TMED6: variants seen among roughly 807,000 people sequenced by gnomAD.
The protein encoded by TMED6 is transmembrane p24 trafficking protein 6.
In TMED6, 17 loss-of-function variants were observed where a neutral mutation model predicts 26.5. That is an observed-to-expected ratio of 0.64 (90% CI 0.44 to 0.96). The LOEUF (loss-of-function observed/expected upper bound fraction) is 0.96, where lower values mean the gene tolerates loss of function less well. Ranked by LOEUF, TMED6 falls within the 40% of genes least tolerant of loss-of-function variation. TMED6 has a pLI of 0.00. For synonymous variants in TMED6, 107 were observed against 106.2 expected (o/e 1.01, Z -0.04); for missense variants, 309 against 296.5 (o/e 1.04, Z -0.31).
intron 1 of TMED6, among the ~76,000 whole-genome samples, chr16:69,350,708 G>A (rs2142685053): frequency 6.6e-6 from 1 of 152,232 alleles, no homozygotes; most frequent in African/African-American, 2.4e-5. Context: ...AGCACTCCAT[G>A]GACACTTGCT....
rs2012774021 is a variant in TMED6 at position 69,351,437 on chromosome 16, G to C, written c.213+104C>G. The stretch of plus-strand genomic sequence containing the variant: ...TTTCATTAACAGGTGGGGAATCACA[G>C]CATAATAAAGACAACCAGACCTTGT... On this transcript the variant is annotated intron_variant, in intron 1 of 3. Coordinates refer to ENST00000288025, the MANE Select transcript of TMED6 (RefSeq NM_144676.4). 3.8e-6 allele frequency: 4 copies of C among 1,051,768 alleles called. No individual in the cohort carries two copies. In the East Asian group the frequency reaches 7.3e-5, roughly 19 times the overall value. 65.2% of individuals were successfully genotyped at this position (1,051,768 alleles called of 1,614,324 possible).
chr16:69,343,790 T>C (rs1383938131), intron 3 of TMED6, 150 bp from the exon 4 acceptor site: 1 of 706,132 alleles, frequency 1.4e-6, no homozygotes, highest in Non-Finnish European at 2.3e-6. Flanking sequence ...AATGTTGTGT[T>C]TGCTATGTAT....
At chr16:69,349,803 G>C (rs1331085027) in intron 1 of TMED6, 152 bp from the exon 2 acceptor site, 2 of 839,220 alleles carry the variant, frequency 2.4e-6, no homozygotes, top group East Asian at 5.6e-5. Flanking sequence ...GAGTTGATTG[G>C]AGGATTCTGA....
At chr16:69,345,831 A>C (rs964341990) in intron 3 of TMED6, among the ~76,000 whole-genome samples, 3 of 151,122 alleles carry the variant, frequency 2.0e-5, no homozygotes, top group African/African-American at 7.3e-5. Flanking sequence ...ATGTGCCACC[A>C]CACCCGGGTC....
intron 1 of TMED6, among the ~76,000 whole-genome samples, chr16:69,351,092 T>C (rs1005311387): frequency 1.3e-5 from 2 of 151,882 alleles, no homozygotes; most frequent in Non-Finnish European, 2.9e-5. Flanking sequence ...ACCTAGTGAA[T>C]CTCTGACTTG....
chr16:69,348,058 G>C (rs2012714371), intron 2 of TMED6, 122 bp from the exon 3 acceptor site: 1 of 1,015,814 alleles, frequency 9.8e-7, no homozygotes, highest in Non-Finnish European at 1.4e-6. Flanking sequence ...TACTTAGAAA[G>C]TACAAAGATC....
Position 69,343,476 on chromosome 16 carries a change from C to G in TMED6, c.654G>C (p.Leu218=), listed in dbSNP as rs769270022. ...AGAGACGCTTCAAGAAATACAGTTGCAGGATCCCAGAAAGAATAATAACAA... is the reference window on the plus strand; with the variant it reads ...AGAGACGCTTCAAGAAATACAGTTGGAGGATCCCAGAAAGAATAATAACAA... ...QSLVIILSGI[L]QLYFLKRLFN... The change falls in exon 4 of 4, where the codon CTG becomes CTC. Residue 218 remains leucine (L), a synonymous_variant. Transcript: ENST00000288025. 1.2e-6 allele frequency: 2 copies of G among 1,614,158 alleles called. No individual in the cohort carries two copies. The highest frequency in any genetic ancestry group is 1.1e-5 in the South Asian group (1 of 91,084).
At chr16:69,347,636 AG>A in intron 3 of TMED6, 151 bp downstream of exon 3, 4 of 1,113,148 alleles carry the variant, frequency 3.6e-6, no homozygotes, top group Non-Finnish European at 3.8e-6. Flanking sequence ...CTGGGATTAC[AG>A]GCGTGAGCCA....
At position 69,343,309 on chromosome 16, in the gene TMED6, A is replaced by G. The variant is rs577222195; in HGVS notation, c.*98T>C. On this transcript the variant is annotated 3_prime_UTR_variant, in exon 4 of 4. Transcript: ENST00000288025. ...TTTTTAGATGTGTGCAGCAGACTAA[A>G]ACATTAATGAGATAATTGATTTTTG... is the stretch of plus-strand genomic sequence containing the variant. 364 of 1,122,572 alleles carry G rather than the reference A, an allele frequency of 3.2e-4. No individual in the cohort carries two copies. Among genetic ancestry groups the G allele is most frequent in the Non-Finnish European group, 4.4e-4 (348 of 793,274 alleles). 69.5% of individuals were successfully genotyped at this position (1,122,572 alleles called of 1,614,324 possible).
Position 69,348,440 on chromosome 16 carries a change from G to A in TMED6, c.341-504C>T, listed in dbSNP as rs1204035982. 2.6e-5 allele frequency: 4 copies of A among 151,194 alleles called. No individual in the cohort carries two copies. The East Asian group carries it at 7.8e-4, about 29-fold the overall frequency. The allele number at this position is 151,194 out of a possible 1,614,324, so 9.4% of individuals were successfully genotyped here. A position where few individuals can be genotyped will look rare whatever the true frequency, so the allele number is the denominator to read the frequency against. On this transcript the variant is annotated intron_variant, in intron 2 of 3. Transcript: ENST00000288025. Reference sequence around the variant, plus strand: ...GTTTGGTTATATCTGTTGGGGCTGGGGTTGCCTCCCTTTGTGTGTGCGGGG... The same window carrying A: ...GTTTGGTTATATCTGTTGGGGCTGGAGTTGCCTCCCTTTGTGTGTGCGGGG...
intron 3 of TMED6, among the ~76,000 whole-genome samples, chr16:69,346,040 C>A (rs190604604): frequency 6.6e-6 from 1 of 152,118 alleles, no homozygotes; most frequent in Non-Finnish European, 1.5e-5. Context: ...CCAATACGCA[C>A]GTGAAAAGAT....
chr16:69,347,200 A>C (rs72795294), intron 3 of TMED6, among the ~76,000 whole-genome samples: 9,034 of 152,216 alleles, frequency 0.059, 288 homozygotes, highest in South Asian at 0.083. Flanking sequence ...AGCCTTGTGA[A>C]TATACTAAAA....
intron 1 of TMED6, among the ~76,000 whole-genome samples, chr16:69,351,337 G>A (rs2012772473): frequency 6.6e-6 from 1 of 152,186 alleles, no homozygotes; most frequent in Admixed American, 6.5e-5. Context: ...CCTGATGTAA[G>A]AAGCCAAACC....
intron 3 of TMED6, among the ~76,000 whole-genome samples, chr16:69,344,098 G>A (rs901061102): frequency 1.3e-5 from 2 of 152,026 alleles, no homozygotes; most frequent in Admixed American, 1.3e-4. Flanking sequence ...CTCCCAAAGT[G>A]TTGGGATTAT....
rs768576168 is a variant in TMED6, at chr16:69,349,610, A to G, written c.255T>C (p.Ala85=). 6.2e-7 allele frequency: 1 copy of G among 1,613,890 alleles called. No homozygotes were observed. Among genetic ancestry groups the G allele is most frequent in the Non-Finnish European group, 8.5e-7 (1 of 1,179,942 alleles). ...ATCCCTGTGGGTTATGTGCCGTGGCAGCAACATGCCGGTCATGTGACATCC... is the reference window on the plus strand; with the variant it reads ...ATCCCTGTGGGTTATGTGCCGTGGCGGCAACATGCCGGTCATGTGACATCC... ...TVGMSHDRHV[A]ATAHNPQGFL... is the part of the protein sequence containing the mutation. Residue 85 remains alanine, a synonymous_variant, in exon 2 of 4, where the codon GCT becomes GCC. Coordinates refer to ENST00000288025, the MANE Select transcript of TMED6 (RefSeq NM_144676.4).
chr16:69,349,034 C>T (rs766925202), intron 2 of TMED6, among the ~76,000 whole-genome samples: 14 of 152,336 alleles, frequency 9.2e-5, no homozygotes, highest in Non-Finnish European at 1.3e-4. Context: ...GCAGTTAAGA[C>T]ACTGCTGCTC....
At position 69,351,726 on chromosome 16, in the gene TMED6, G is replaced by A. The variant is rs1189069847; in HGVS notation, c.28C>T (p.Leu10=). The A allele has an allele frequency of 6.2e-7, 1 of 1,613,272 alleles. No individual in the cohort carries two copies. Among genetic ancestry groups the A allele is most frequent in the East Asian group, 2.2e-5 (1 of 44,894 alleles). Residue 10 remains leucine, a synonymous_variant, in exon 1 of 4, where the codon CTG becomes TTG. Coordinates refer to ENST00000288025, the MANE Select transcript of TMED6 (RefSeq NM_144676.4). ...GACGTCACTAGATTCAGAACGACCA[G>A]CCCAGCCCCAAAGAGCAAAGGGGAC... MSPLLFGAG[L]VVLNLVTSAR...
At chr16:69,349,346 C>T (rs984847342) in intron 2 of TMED6, among the ~76,000 whole-genome samples, 179 bp downstream of exon 2, 2 of 152,198 alleles carry the variant, frequency 1.3e-5, no homozygotes, top group East Asian at 1.9e-4. Context: ...GCCCCCAAAT[C>T]GTCAGTAGAC....
chr16:69,348,841 C>G (rs2012731463), intron 2 of TMED6, among the ~76,000 whole-genome samples: 1 of 152,186 alleles, frequency 6.6e-6, no homozygotes. Flanking sequence ...TCGCAAACTC[C>G]TGACCTCAGG....
Sources: allele counts gnomAD v4.1 joint callset (sites outside exome capture counted in the v4.1 genomes callset), GRCh38; gene constraint gnomAD v4.1.1; transcripts MANE v1.5; gene names NCBI Gene and HGNC (gene_info 2026-07-23, HGNC 2026-07-21).